The following WFDC9 variants were observed in gnomAD, a reference collection of about 807,000 sequenced individuals.
The protein encoded by WFDC9 is protein WFDC9.
A neutral mutation model predicts 9.5 loss-of-function variants in WFDC9; 9 were observed. The ratio of observed to expected loss-of-function variants is 0.95; its 90% CI spans 0.57 to 1.65. WFDC9 has a LOEUF of 1.65. Among genes scored for constraint, WFDC9 ranks in the 40% most tolerant of loss-of-function variants. WFDC9 has a pLI of 0.00. For missense variants in WFDC9, 87 were observed against 106.7 expected (o/e 0.82, Z 0.81); for synonymous variants, 33 against 32.3 (o/e 1.02, Z -0.07).
intron 1 of WFDC9, among the ~76,000 whole-genome samples, chr20:45,624,547 T>C (rs572406244): frequency 6.6e-6 from 1 of 152,360 alleles, no homozygotes; most frequent in East Asian, 1.9e-4. Flanking sequence ...TATGTTGATA[T>C]GCTGATTTCC....
At chr20:45,631,145 A>G (rs879828271) in intron 1 of WFDC9, 58 bp downstream of exon 1, 2 of 1,095,134 alleles carry the variant, frequency 1.8e-6, no homozygotes, top group South Asian at 2.1e-5. Context: ...CGCCCTCTCT[A>G]CTGTCTGAAC....
At chr20:45,631,072 C>A in intron 1 of WFDC9, 131 bp downstream of exon 1, 1 of 1,498,664 alleles carries the variant, frequency 6.7e-7, no homozygotes, top group Non-Finnish European at 8.9e-7. Context: ...CTATCCAAGA[C>A]TGTGCCCACA....
chr20:45,620,103 G>A (rs563465279), intron 1 of WFDC9, among the ~76,000 whole-genome samples: 1 of 152,226 alleles, frequency 6.6e-6, no homozygotes, highest in African/African-American at 2.4e-5. Flanking sequence ...TGATCATCCA[G>A]TTTAAATACT....
chr20:45,630,390 A>G (rs989006717), intron 1 of WFDC9, among the ~76,000 whole-genome samples: 1 of 152,112 alleles, frequency 6.6e-6, no homozygotes, highest in African/African-American at 2.4e-5. Flanking sequence ...GTGGTGGTGG[A>G]AAGGGAACTA....
chr20:45,627,820 T>C (rs1982254732), intron 1 of WFDC9, among the ~76,000 whole-genome samples: 1 of 152,244 alleles, frequency 6.6e-6, no homozygotes, highest in Admixed American at 6.5e-5. Context: ...ATTTCCATTA[T>C]AGTCTGAAAC....
chr20:45,609,605 G>T (rs1417072144), intron 3 of WFDC9, among the ~76,000 whole-genome samples: 5 of 152,022 alleles, frequency 3.3e-5, no homozygotes, highest in Non-Finnish European at 7.4e-5. Flanking sequence ...CAGTGTCTTT[G>T]TTGTCCACAT....
chr20:45,623,558 C>T (rs1356698460), intron 1 of WFDC9, among the ~76,000 whole-genome samples: 3 of 150,864 alleles, frequency 2.0e-5, no homozygotes, highest in Admixed American at 6.6e-5. Flanking sequence ...ACTCAGGGGG[C>T]GGAGGTTGCA....
intron 1 of WFDC9, chr20:45,629,870 C>T (rs748310110): frequency 6.2e-7 from 1 of 1,613,862 alleles, no homozygotes. Flanking sequence ...TGCTGCAGGC[C>T]CAGGGAGGAT....
chr20:45,618,901 A>G (rs1982030446), intron 1 of WFDC9, among the ~76,000 whole-genome samples: 1 of 152,246 alleles, frequency 6.6e-6, no homozygotes, highest in Non-Finnish European at 1.5e-5. Context: ...CAAACCTTCA[A>G]TTTGTAAAAC....
chr20:45,616,333 G>C (rs1374883382), intron 1 of WFDC9, among the ~76,000 whole-genome samples: 2 of 152,112 alleles, frequency 1.3e-5, no homozygotes, highest in Non-Finnish European at 2.9e-5. Flanking sequence ...ATCCACTCAA[G>C]TTTTCTCATG....
chr20:45,627,136 T>C (rs1351991331), intron 1 of WFDC9, among the ~76,000 whole-genome samples: 3 of 152,238 alleles, frequency 2.0e-5, no homozygotes, highest in Non-Finnish European at 4.4e-5. Flanking sequence ...TTTGTGTACA[T>C]TGAGCCATTC....
intron 1 of WFDC9, 127 bp from the exon 2 acceptor site, chr20:45,614,848 A>G (rs1981939146): frequency 6.6e-6 from 1 of 152,188 alleles, no homozygotes; most frequent in Admixed American, 6.5e-5. Flanking sequence ...CTTTCCTTTG[A>G]TATTCACCCA....
intron 1 of WFDC9, among the ~76,000 whole-genome samples, chr20:45,623,836 C>T (rs1445736080): frequency 6.6e-6 from 1 of 152,060 alleles, no homozygotes; most frequent in Non-Finnish European, 1.5e-5. Flanking sequence ...GTATGTTCAT[C>T]CTACAGTGCT....
intron 1 of WFDC9, among the ~76,000 whole-genome samples, chr20:45,628,062 T>TA (rs1163718941): frequency 6.6e-6 from 1 of 150,562 alleles, no homozygotes; most frequent in African/African-American, 2.5e-5. Flanking sequence ...ATGTATAAAG[T>TA]ATAGACCTTC....
At chr20:45,609,507 C>G (rs2235599) in intron 3 of WFDC9, among the ~76,000 whole-genome samples, 6,927 of 152,008 alleles carry the variant, frequency 0.046, 318 homozygotes, top group East Asian at 0.24. Flanking sequence ...AGCCATTTTT[C>G]TCCCCTTCTA....
intron 2 of WFDC9, among the ~76,000 whole-genome samples, chr20:45,613,931 C>A (rs989690675): frequency 2.0e-5 from 3 of 152,114 alleles, no homozygotes; most frequent in African/African-American, 7.2e-5. Context: ...TGCAGTAGGC[C>A]TCTGGATTCC....
intron 3 of WFDC9, 29 bp from the exon 4 acceptor site, chr20:45,608,839 T>C: frequency 6.3e-7 from 1 of 1,593,056 alleles, no homozygotes; most frequent in Non-Finnish European, 8.5e-7. Context: ...GCAGGGTCCG[T>C]CTATTCACAA....
chr20:45,608,257 T>G, intron 4 of WFDC9, 117 bp from the exon 5 acceptor site: 1 of 1,202,540 alleles, frequency 8.3e-7, no homozygotes, highest in Non-Finnish European at 1.2e-6. Flanking sequence ...AAATCAGAAG[T>G]TACCCACTTT....
In WFDC9 at chr20:45,629,826, A is replaced by G. The variant is rs145677123; in HGVS notation, c.-153+1377T>C. ...TCTGATCAGAGTCATGGCACCCCAG[A>G]CTCTGCTGCCTGTCCTGGTTCTCTG... On this transcript the variant is annotated intron_variant, in intron 1 of 4. Coordinates refer to ENST00000326000, the MANE Select transcript of WFDC9 (RefSeq NM_147198.4). 2.0e-4 allele frequency: 318 copies of G among 1,613,516 alleles called. No homozygotes were observed. The highest frequency in any genetic ancestry group is 5.8e-4 in the Admixed American group (35 of 59,956).
Sources: gnomAD v4.1 joint callset for allele counts (sites outside exome capture counted in the v4.1 genomes callset) on GRCh38, gnomAD v4.1.1 for gene constraint, MANE v1.5 for transcripts, NCBI Gene and HGNC (gene_info 2026-07-23, HGNC 2026-07-21) for gene names.